Variants in TNPO3 observed in about 807,000 individuals in gnomAD.
The protein encoded by TNPO3 is transportin 3, also known as transportin-3.
TNPO3 carries 65 observed loss-of-function variants against 122.8 expected under a neutral mutation model. That is an observed-to-expected ratio of 0.53 (90% CI 0.43 to 0.65). The LOEUF (loss-of-function observed/expected upper bound fraction) is 0.65. TNPO3 is among the 30% of genes least tolerant of loss of function. TNPO3 has a pLI of 0.00. For synonymous variants in TNPO3, 372 were observed against 411.2 expected, an observed-to-expected ratio of 0.90 and a Z score of 1.15; for missense variants, 850 against 1,136.7, an observed-to-expected ratio of 0.75 and a Z score of 3.63.
Position 128,970,288 on chromosome 7 carries a change from C to A in TNPO3, c.2458G>T (p.Glu820Ter). 1 of 1,605,826 alleles carries A rather than the reference C, an allele frequency of 6.2e-7. No homozygotes were observed. Among genetic ancestry groups the A allele is most frequent in the Non-Finnish European group, 8.5e-7 (1 of 1,175,750 alleles). The change falls in exon 20 of 23, where the codon GAA becomes TAA. Residue 820 changes from glutamate to a stop codon, truncating the protein, a stop_gained. Transcript: ENST00000265388. LOFTEE classifies it high-confidence loss of function. ...DHEEDFELRKELIGQVMNQLG... is the reference protein window; with the variant it reads ...DHEEDFELRK The stretch of plus-strand genomic sequence containing the variant: ...TGGTTCATCACCTGTCCAATCAGTT[C>A]TTTCCGTAATTCAAAGTCTTCTTCA...
chr7:128,972,144 C>A (rs920349431), intron 19 of TNPO3, among the ~76,000 whole-genome samples: 1 of 152,220 alleles, frequency 6.6e-6, no homozygotes, highest in African/African-American at 2.4e-5. Context: ...ACACCAAACA[C>A]TGGCATCTTG....
chr7:129,021,238 C>T (rs1804469556), intron 1 of TNPO3, among the ~76,000 whole-genome samples: 1 of 151,844 alleles, frequency 6.6e-6, no homozygotes, highest in African/African-American at 2.4e-5. Flanking sequence ...GCCTGTAATC[C>T]CAGCTACTCG....
chr7:128,977,209 C>T (rs548684929), intron 16 of TNPO3, among the ~76,000 whole-genome samples: 37 of 152,296 alleles, frequency 2.4e-4, no homozygotes, highest in African/African-American at 8.4e-4. Flanking sequence ...TATAATAGTG[C>T]TACCTACTCT....
At chr7:129,035,746 C>T (rs1461567205) in intron 1 of TNPO3, among the ~76,000 whole-genome samples, 2 of 152,052 alleles carry the variant, frequency 1.3e-5, no homozygotes, top group Admixed American at 6.5e-5. Flanking sequence ...TAAAACATCA[C>T]CAATAGATTT....
Position 128,979,054 on chromosome 7 carries a change from T to C in TNPO3, c.1990A>G (p.Arg664Gly), listed in dbSNP as rs748425061. The C allele has an allele frequency of 6.2e-7, 1 of 1,614,250 alleles. No individual in the cohort carries two copies. The highest frequency in any genetic ancestry group is 8.5e-7 in the Non-Finnish European group (1 of 1,180,040). The part of the protein sequence containing the change: ...ADNRIVERCC[R>G]CLRFAVRCVG... ...CAGCGAACAGCAAAGCGCAGGCACC[T>C]GCAACAACGCTCTACAATCCGATTA... is the stretch of plus-strand genomic sequence containing the variant. Residue 664 changes from arginine to glycine, a missense_variant, in exon 16 of 23, where the codon AGG becomes GGG. By Grantham distance (125) the Arg-to-Gly change is moderately radical. Transcript: ENST00000265388.
intron 1 of TNPO3, among the ~76,000 whole-genome samples, chr7:129,052,179 C>A (rs1031362614): frequency 1.4e-4 from 22 of 152,164 alleles, no homozygotes; most frequent in African/African-American, 5.3e-4. Context: ...TAGACTTTAC[C>A]AACAGGTCAC....
At chr7:129,030,166 C>T (rs538831725) in intron 1 of TNPO3, 1 of 165,120 alleles carries the variant, frequency 6.1e-6, no homozygotes, top group Admixed American at 6.3e-5. Flanking sequence ...CATGTAAAGC[C>T]CCTGCTGCAA....
chr7:129,025,065 C>T (rs1804953162), intron 1 of TNPO3, among the ~76,000 whole-genome samples: 2 of 151,130 alleles, frequency 1.3e-5, no homozygotes, highest in Admixed American at 6.6e-5. Context: ...TATAAAAAAA[C>T]AGGCCGGGCG....
At chr7:128,961,847 AG>A (rs1184677525) in intron 21 of TNPO3, among the ~76,000 whole-genome samples, 1 of 152,194 alleles carries the variant, frequency 6.6e-6, no homozygotes, top group African/African-American at 2.4e-5. Flanking sequence ...CTCTAATTCC[AG>A]TATCAATGCT....
At chr7:128,974,091 T>C (rs1270118678) in intron 18 of TNPO3, among the ~76,000 whole-genome samples, 1 of 148,874 alleles carries the variant, frequency 6.7e-6, no homozygotes, top group African/African-American at 2.5e-5. Flanking sequence ...GGAGAATCAC[T>C]TGAACCCAGG....
intron 4 of TNPO3, among the ~76,000 whole-genome samples, chr7:129,007,872 C>T (rs1273602768): frequency 8.5e-5 from 13 of 152,062 alleles, no homozygotes; most frequent in South Asian, 2.1e-4. Context: ...TGGCAGGGGC[C>T]GGGTGTGGTG....
intron 4 of TNPO3, 99 bp from the exon 5 acceptor site, chr7:129,005,258 T>A: frequency 8.6e-7 from 1 of 1,158,340 alleles, no homozygotes; most frequent in Non-Finnish European, 1.2e-6. Flanking sequence ...AAGATGGCAA[T>A]AAAACAGCCA....
At position 128,974,929 on chromosome 7, in the gene TNPO3, G is replaced by C. The variant is rs1798907371; in HGVS notation, c.2212C>G (p.Gln738Glu). 2 of 1,614,202 alleles carry C rather than the reference G, an allele frequency of 1.2e-6. No individual in the cohort carries two copies. The highest frequency in any genetic ancestry group is 8.5e-7 in the Non-Finnish European group (1 of 1,180,036). ...GGGTGATTCTGGAGACCATTCTGCTGTTCTAGGAGCTGAAAGGTGGGGATG... is the reference window on the plus strand; with the variant it reads ...GGGTGATTCTGGAGACCATTCTGCTCTTCTAGGAGCTGAAAGGTGGGGATG... ...LCIPTFQLLE[Q>E]QNGLQNHPDT... Residue 738 changes from glutamine to glutamate, a missense_variant, in exon 18 of 23, where the codon CAG becomes GAG. Physicochemically the swap from Gln to Glu is conservative, Grantham distance 29 (BLOSUM62 2). Transcript: ENST00000265388.
intron 20 of TNPO3, among the ~76,000 whole-genome samples, chr7:128,969,713 T>C (rs951023444): frequency 1.1e-4 from 16 of 152,228 alleles, no homozygotes; most frequent in Admixed American, 2.6e-4. Flanking sequence ...CATTGTGGGT[T>C]ACTTTGACAA....
chr7:128,973,089 A>G (rs1322465227), intron 18 of TNPO3, among the ~76,000 whole-genome samples: 1 of 152,242 alleles, frequency 6.6e-6, no homozygotes, highest in Non-Finnish European at 1.5e-5. Flanking sequence ...ATAAATCAAG[A>G]AAGACCAGTC....
chr7:129,045,171 G>C (rs1237543090), intron 1 of TNPO3, among the ~76,000 whole-genome samples: 1 of 152,186 alleles, frequency 6.6e-6, no homozygotes, highest in African/African-American at 2.4e-5. Context: ...GAGACAGAAA[G>C]TAGAATGGTG....
At chr7:128,992,909 A>C (rs1488959688) in intron 9 of TNPO3, among the ~76,000 whole-genome samples, 1 of 152,162 alleles carries the variant, frequency 6.6e-6, no homozygotes, top group African/African-American at 2.4e-5. Context: ...AGAAGATCAA[A>C]GGATTTCTCA....
At chr7:129,019,787 A>C (rs2150443794) in intron 1 of TNPO3, among the ~76,000 whole-genome samples, 1 of 152,280 alleles carries the variant, frequency 6.6e-6, no homozygotes, top group East Asian at 1.9e-4. Context: ...TAAGGTCAGG[A>C]GTTCAAGACC....
intron 1 of TNPO3, among the ~76,000 whole-genome samples, chr7:129,054,359 G>A (rs1809201798): frequency 6.6e-6 from 1 of 152,140 alleles, no homozygotes; most frequent in Non-Finnish European, 1.5e-5. Flanking sequence ...GGCCCAAGAA[G>A]CAACGGCAAA....
Sources: gnomAD v4.1 joint callset for allele counts (sites outside exome capture counted in the v4.1 genomes callset) on GRCh38, gnomAD v4.1.1 for gene constraint, MANE v1.5 for transcripts, NCBI Gene and HGNC (gene_info 2026-07-23, HGNC 2026-07-21) for gene names.